PLCB1: variants seen among roughly 807,000 people sequenced by gnomAD.
PLCB1 encodes the protein 1-phosphatidylinositol 4,5-bisphosphate phosphodiesterase beta-1.
A neutral mutation model predicts 161.8 loss-of-function variants in PLCB1; 46 were observed. The ratio of observed to expected loss-of-function variants is 0.28; its 90% CI spans 0.22 to 0.36. The LOEUF (loss-of-function observed/expected upper bound fraction) is 0.36. PLCB1 is among the 10% of genes least tolerant of loss of function. The probability of loss-of-function intolerance (pLI) is 1.00; values close to 1 mark genes in which losing one functional copy is unlikely to be tolerated. For synonymous variants in PLCB1, 517 were observed against 503.7 expected (o/e 1.03, Z -0.35); for missense variants, 1,016 against 1,472.5 (o/e 0.69, Z 5.07).
At chr20:8,381,673 A>T (rs777932090) in intron 3 of PLCB1, among the ~76,000 whole-genome samples, 4 of 151,974 alleles carry the variant, frequency 2.6e-5, no homozygotes, top group Non-Finnish European at 2.9e-5. Context: ...TAGTCTTGGG[A>T]GGTTGTATGT....
chr20:8,560,835 C>T (rs963922009), intron 3 of PLCB1, among the ~76,000 whole-genome samples: 1 of 151,708 alleles, frequency 6.6e-6, no homozygotes, highest in South Asian at 2.1e-4. Context: ...GAGATTCTGC[C>T]AAAAAATTTC....
At chr20:8,749,357 T>TA (rs1204739093) in intron 23 of PLCB1, among the ~76,000 whole-genome samples, 2 of 152,180 alleles carry the variant, frequency 1.3e-5, no homozygotes, top group East Asian at 1.9e-4. Context: ...CCATCCACTC[T>TA]AAAATGACAG....
At chr20:8,448,007 C>G (rs1436595930) in intron 3 of PLCB1, among the ~76,000 whole-genome samples, 3 of 152,320 alleles carry the variant, frequency 2.0e-5, no homozygotes, top group African/African-American at 4.8e-5. Context: ...TCCAAACTTG[C>G]TATTGACAAT....
intron 3 of PLCB1, among the ~76,000 whole-genome samples, chr20:8,419,395 C>T (rs1255957689): frequency 6.6e-6 from 1 of 152,064 alleles, no homozygotes; most frequent in East Asian, 1.9e-4. Context: ...ATATATGGTT[C>T]CAGAATTTAC....
chr20:8,814,577 A>ATGTGTGTG (rs10670728), intron 31 of PLCB1, among the ~76,000 whole-genome samples: 4,524 of 145,240 alleles, frequency 0.031, 143 homozygotes, highest in African/African-American at 0.086. Flanking sequence ...ATGTACTTGC[A>ATGTGTGTG]TGTGTGTGTG....
intron 30 of PLCB1, among the ~76,000 whole-genome samples, chr20:8,789,834 A>G (rs1350963223): frequency 6.6e-6 from 1 of 152,246 alleles, no homozygotes. Context: ...ATTGTAAATG[A>G]TAGTGTTCCC....
intron 3 of PLCB1, among the ~76,000 whole-genome samples, chr20:8,490,184 G>A (rs1419308059): frequency 6.6e-6 from 1 of 152,096 alleles, no homozygotes; most frequent in Non-Finnish European, 1.5e-5. Context: ...GCTTGAGCAC[G>A]TGCTTTGCTT....
intron 3 of PLCB1, among the ~76,000 whole-genome samples, chr20:8,459,917 A>C (rs929244945): frequency 6.6e-6 from 1 of 152,186 alleles, no homozygotes; most frequent in Non-Finnish European, 1.5e-5. Context: ...ATTTCCCCCA[A>C]ATGATAAATA....
chr20:8,516,755 G>A (rs1394918071), intron 3 of PLCB1, among the ~76,000 whole-genome samples: 3 of 144,412 alleles, frequency 2.1e-5, no homozygotes, highest in Admixed American at 7.2e-5. Context: ...TCACCTGTAA[G>A]AGTTTTTGAC....
At chr20:8,699,396 G>T (rs1191198303) in intron 11 of PLCB1, among the ~76,000 whole-genome samples, 1 of 152,236 alleles carries the variant, frequency 6.6e-6, no homozygotes. Context: ...AAGAAACTGT[G>T]TGCCACTTGC....
intron 2 of PLCB1, among the ~76,000 whole-genome samples, chr20:8,301,729 T>C (rs1446702693): frequency 6.6e-6 from 1 of 152,220 alleles, no homozygotes; most frequent in Non-Finnish European, 1.5e-5. Context: ...AAATTTAAAA[T>C]GTGCAAATGC....
Position 8,849,142 on chromosome 20 carries a change from C to T in PLCB1, c.3424-32480C>T, listed in dbSNP as rs139580805. Among the ~76,000 whole-genome samples the T allele has an allele frequency of 3.3e-5, 5 of 152,152 alleles. No individual in the cohort carries two copies. The East Asian group carries it at 7.7e-4, about 24-fold the overall frequency. On this transcript the variant is annotated intron_variant, in intron 31 of 31. Coordinates refer to ENST00000338037, the MANE Select transcript of PLCB1 (RefSeq NM_015192.4). The stretch of plus-strand genomic sequence containing the variant: ...CTAAAATGCTATAGTTATATGTGGT[C>T]GTAGAAATAAAAGAGAAGCCAAACA...
intron 3 of PLCB1, among the ~76,000 whole-genome samples, chr20:8,581,349 A>G (rs1047386253): frequency 6.6e-6 from 1 of 152,172 alleles, no homozygotes; most frequent in Admixed American, 6.5e-5. Context: ...TCCAGTGGTT[A>G]TAACCAGAAG....
intron 25 of PLCB1, among the ~76,000 whole-genome samples, chr20:8,762,731 G>A (rs1234047865): frequency 6.6e-6 from 1 of 152,166 alleles, no homozygotes; most frequent in African/African-American, 2.4e-5. Context: ...TCTCAAAAGA[G>A]ATCGAATGTC....
chr20:8,461,558 GTGGT>G (rs1468448816), intron 3 of PLCB1, among the ~76,000 whole-genome samples: 1 of 151,978 alleles, frequency 6.6e-6, no homozygotes. Context: ...GCTAGTTTTT[GTGGT>G]TATTTCAGCA....
intron 26 of PLCB1, among the ~76,000 whole-genome samples, chr20:8,768,175 A>G (rs1330533843): frequency 2.0e-5 from 3 of 152,162 alleles, no homozygotes; most frequent in Admixed American, 6.5e-5. Flanking sequence ...TCTCAAGACA[A>G]AACAAAACAA....
At chr20:8,529,291 T>A (rs1024000610) in intron 3 of PLCB1, among the ~76,000 whole-genome samples, 1 of 152,034 alleles carries the variant, frequency 6.6e-6, no homozygotes, top group African/African-American at 2.4e-5. Flanking sequence ...TATTAATAGT[T>A]GCATATACCT....
rs932731256 is a variant in PLCB1 at position 8,600,977 on chromosome 20, C to G, written c.247-27317C>G. Among the ~76,000 whole-genome samples the G allele has an allele frequency of 9.2e-5, 14 of 152,278 alleles. No homozygotes were observed. In the East Asian group the frequency reaches 9.7e-4, roughly 11 times the overall value. On this transcript the variant is annotated intron_variant, in intron 3 of 31. Transcript: ENST00000338037. ...CTTCAGCTCGCGCACGGTGCGCGCA[C>G]CCACTGACCTGCGCCCACTGTCTGG...
rs190331200 is a variant in PLCB1, at chr20:8,528,905, A to G, written c.247-99389A>G. ...ATATAATGCTAAAAGAGCATCAGAT[A>G]TGAAGTAAGAGGGTGTGAGGAGAAG... On this transcript the variant is annotated intron_variant, in intron 3 of 31. Coordinates refer to ENST00000338037, the MANE Select transcript of PLCB1 (RefSeq NM_015192.4). Among the ~76,000 whole-genome samples the G allele has an allele frequency of 3.0e-3, 458 of 152,124 alleles. 2 individuals carry two copies. The highest frequency in any genetic ancestry group is 3.3e-3 in the Non-Finnish European group (223 of 67,942).
Sources: allele counts gnomAD v4.1 joint callset (sites outside exome capture counted in the v4.1 genomes callset), GRCh38; gene constraint gnomAD v4.1.1; transcripts MANE v1.5; gene names NCBI Gene and HGNC (gene_info 2026-07-23, HGNC 2026-07-21).